Variants in TBK1 observed in about 807,000 individuals in gnomAD.
The protein encoded by TBK1 is TANK binding kinase 1.
In TBK1, 37 loss-of-function variants were observed where a neutral mutation model predicts 99.9. That is an observed-to-expected ratio of 0.37 (90% CI 0.28 to 0.49). The LOEUF is 0.49. TBK1 is among the 20% of genes least tolerant of loss of function. The probability of loss-of-function intolerance (pLI) is 0.98; values close to 1 mark genes in which losing one functional copy is unlikely to be tolerated. For missense variants in TBK1, 644 were observed against 872.5 expected, an observed-to-expected ratio of 0.74 and a Z score of 3.30; for synonymous variants, 258 against 279.8, an observed-to-expected ratio of 0.92 and a Z score of 0.78.
chr12:64,473,566 C>T (rs2040681887), intron 5 of TBK1, among the ~76,000 whole-genome samples: 2 of 152,136 alleles, frequency 1.3e-5, no homozygotes, highest in Non-Finnish European at 1.5e-5. Flanking sequence ...GGCTCTACAG[C>T]ACAGATGGAA....
chr12:64,495,620 A>G lies in TBK1; in HGVS notation c.1643+16A>G, dbSNP rs750015180. 4 of 1,612,958 alleles carry G rather than the reference A, an allele frequency of 2.5e-6. No individual in the cohort carries two copies. The highest frequency in any genetic ancestry group is 2.2e-5 in the East Asian group (1 of 44,860). The stretch of plus-strand genomic sequence containing the variant: ...AAGACAGAAAGTAGGTTATAGCTTT[A>G]TGCGTAGTTTCTGCTCTTATTAATG... On this transcript the variant is annotated intron_variant, in intron 14 of 20. Coordinates refer to ENST00000331710, the MANE Select transcript of TBK1 (RefSeq NM_013254.4).
At chr12:64,495,366 C>G in intron 13 of TBK1, 117 bp from the exon 14 acceptor site, 1 of 1,256,126 alleles carries the variant, frequency 8.0e-7, no homozygotes, top group South Asian at 1.5e-5. Context: ...AATTACTGTG[C>G]CTTTGAATTG....
At chr12:64,456,791 A>G (rs1047668637) in intron 2 of TBK1, among the ~76,000 whole-genome samples, 79 of 151,868 alleles carry the variant, frequency 5.2e-4, no homozygotes, top group Non-Finnish European at 6.2e-4. Context: ...GCAGTGAGCC[A>G]AGATAGCACC....
At chr12:64,499,255 T>C (rs1203345415) in intron 20 of TBK1, among the ~76,000 whole-genome samples, 1 of 151,528 alleles carries the variant, frequency 6.6e-6, no homozygotes, top group African/African-American at 2.4e-5. Context: ...ATGTTGGCCA[T>C]GCTGGTCTTG....
rs547036222 is a variant in TBK1, at chr12:64,484,613, A to G, written c.1189+114A>G. On this transcript the variant is annotated intron_variant, in intron 9 of 20. Coordinates refer to ENST00000331710, the MANE Select transcript of TBK1 (RefSeq NM_013254.4). ...AAAATAAAACAAAAATTAGTGGGGC[A>G]TGGTGGCTTGCACCTGTAGTCCCAG... 5.9e-5 allele frequency: 60 copies of G among 1,024,094 alleles called. 2 individuals carry two copies. In the South Asian group the frequency reaches 9.5e-4, roughly 16 times the overall value. 63.4% of individuals were successfully genotyped at this position (1,024,094 alleles called of 1,614,324 possible).
chr12:64,495,987 T>C, intron 15 of TBK1: 1 of 466,716 alleles, frequency 2.1e-6, no homozygotes, highest in Non-Finnish European at 3.7e-6. Flanking sequence ...ATCAGGGTCA[T>C]GAACACCAGA....
rs2040581584 is a variant in TBK1, at chr12:64,464,442, T to G, written c.337T>G (p.Leu113Val). 2 of 1,592,364 alleles carry G rather than the reference T, an allele frequency of 1.3e-6. No homozygotes were observed. The highest frequency in any genetic ancestry group is 2.7e-5 in the African/African-American group (2 of 74,518). The change falls in exon 4 of 21, where the codon TTA (leucine) becomes GTA (valine). Residue 113 changes from leucine (L) to valine (V), a missense_variant. Physicochemically the swap from Leu to Val is conservative, Grantham distance 32. Transcript: ENST00000331710. ...CTATGGACTACCAGAATCTGAATTCTTAATTGTTTTGCGAGATGTGGGTAT... is the reference window on the plus strand; with the variant it reads ...CTATGGACTACCAGAATCTGAATTCGTAATTGTTTTGCGAGATGTGGGTAT... Reference protein sequence around the residue: ...NAYGLPESEFLIVLRDVVGGM... With the variant: ...NAYGLPESEFVIVLRDVVGGM...
At chr12:64,497,578 TGTA>T in intron 18 of TBK1, 67 bp from the exon 19 acceptor site, 1 of 1,024,202 alleles carries the variant, frequency 9.8e-7, no homozygotes, top group Admixed American at 2.6e-5. Flanking sequence ...ATGTCAGATC[TGTA>T]GTAAGTACTT....
At chr12:64,471,822 G>C (rs887298306) in intron 5 of TBK1, among the ~76,000 whole-genome samples, 3 of 151,444 alleles carry the variant, frequency 2.0e-5, no homozygotes, top group Admixed American at 6.6e-5. Flanking sequence ...TATCAGACCA[G>C]CATGTGTCAA....
intron 20 of TBK1, among the ~76,000 whole-genome samples, chr12:64,498,405 T>C (rs1200588579): frequency 2.0e-5 from 3 of 152,218 alleles, no homozygotes; most frequent in Non-Finnish European, 4.4e-5. Context: ...CACACCTCCT[T>C]GCAGGTGAAA....
chr12:64,452,138 G>GAGGAGGCCGC lies in TBK1; in HGVS notation c.-80_-71dup, dbSNP rs1380009608. On this transcript the variant is annotated 5_prime_UTR_variant, in exon 1 of 21. Transcript: ENST00000331710. ...CGAAGCCGGAAGTGTCCTGAGTCTC[G>GAGGAGGCCGC]AGGAGGCCGCGGGAGCCCGCCGGCG... 1 of 152,212 alleles carries GAGGAGGCCGC rather than the reference G, an allele frequency of 6.6e-6. No homozygotes were observed. Among genetic ancestry groups the GAGGAGGCCGC allele is most frequent in the African/African-American group, 2.4e-5 (1 of 41,446 alleles). The allele number at this position is 152,212 out of a possible 1,614,324, so 9.4% of individuals were successfully genotyped here.
At chr12:64,463,978 C>G (rs2040576920) in intron 3 of TBK1, among the ~76,000 whole-genome samples, 1 of 151,970 alleles carries the variant, frequency 6.6e-6, no homozygotes, top group South Asian at 2.1e-4. Context: ...ATTCTCCTGC[C>G]TCAGTCTCCT....
chr12:64,456,839 T>TA (rs532644739), intron 2 of TBK1, among the ~76,000 whole-genome samples: 6,210 of 118,588 alleles, frequency 0.052, 194 homozygotes, highest in East Asian at 0.19. Context: ...AAGACTCAAT[T>TA]AAAAAAAAAA....
intron 3 of TBK1, among the ~76,000 whole-genome samples, chr12:64,464,127 G>T (rs2040578395): frequency 6.6e-6 from 1 of 152,118 alleles, no homozygotes; most frequent in African/African-American, 2.4e-5. Flanking sequence ...CTCCCAAAGT[G>T]CTGGGATTAC....
intron 2 of TBK1, 110 bp downstream of exon 2, chr12:64,456,067 A>G: frequency 1.2e-6 from 1 of 805,678 alleles, no homozygotes; most frequent in Middle Eastern, 3.4e-4. Flanking sequence ...CTTTGTCTGA[A>G]GAAATTGTTT....
chr12:64,470,818 C>A (rs1295422383), intron 5 of TBK1, among the ~76,000 whole-genome samples: 2 of 152,180 alleles, frequency 1.3e-5, no homozygotes, highest in East Asian at 1.9e-4. Flanking sequence ...TCCCCCAATA[C>A]CAACTATTAA....
intron 13 of TBK1, among the ~76,000 whole-genome samples, chr12:64,493,488 G>A (rs549897034): frequency 2.6e-5 from 4 of 152,128 alleles, no homozygotes; most frequent in South Asian, 2.1e-4. Context: ...TTAGCCGGGC[G>A]TAGTGGCAGA....
rs540670128 is a variant in TBK1, at chr12:64,492,727, T to G, written c.1521+2608T>G. On this transcript the variant is annotated intron_variant, in intron 13 of 20. Transcript: ENST00000331710. ...TTTCCGTAGATATCATTTTTTCTCT[T>G]TTTCTTTTTTTTTTGAGATGGAGTC... 2.7e-5 allele frequency among the ~76,000 whole-genome samples: 4 copies of G among 149,806 alleles called. No individual in the cohort carries two copies. The South Asian group carries it at 8.3e-4, about 31-fold the overall frequency.
chr12:64,487,647 T>C (rs979655243), intron 11 of TBK1, among the ~76,000 whole-genome samples: 4 of 152,238 alleles, frequency 2.6e-5, no homozygotes, highest in Admixed American at 6.5e-5. Flanking sequence ...CTTATTAGTT[T>C]ATAGTCCAAT....
Sources: gnomAD v4.1 joint callset for allele counts (sites outside exome capture counted in the v4.1 genomes callset) on GRCh38, gnomAD v4.1.1 for gene constraint, MANE v1.5 for transcripts, NCBI Gene and HGNC (gene_info 2026-07-23, HGNC 2026-07-21) for gene names.